The following PRKCE variants were observed in gnomAD, a reference collection of about 807,000 sequenced individuals.
PRKCE encodes protein kinase C epsilon, also known as protein kinase C epsilon type.
In PRKCE, 16 loss-of-function variants were observed where a neutral mutation model predicts 85.4. That is an observed-to-expected ratio of 0.19 (90% confidence interval 0.13 to 0.28). The LOEUF is 0.28. Ranked by LOEUF, PRKCE falls within the 10% of genes least tolerant of loss-of-function variation. PRKCE has a pLI of 1.00. For synonymous variants in PRKCE, 388 were observed against 371.5 expected, an observed-to-expected ratio of 1.04 and a Z score of -0.51; for missense variants, 573 against 975.2, an observed-to-expected ratio of 0.59 and a Z score of 5.49.
intron 1 of PRKCE, among the ~76,000 whole-genome samples, chr2:45,653,412 A>C (rs777432653): frequency 2.2e-5 from 2 of 92,426 alleles, no homozygotes; most frequent in Non-Finnish European, 4.0e-5. Context: ...TCTTGGAAGG[A>C]AGGTATTAAT....
At chr2:45,721,381 T>C (rs1032932495) in intron 1 of PRKCE, among the ~76,000 whole-genome samples, 1 of 152,122 alleles carries the variant, frequency 6.6e-6, no homozygotes, top group South Asian at 2.1e-4. Flanking sequence ...GTGCAGGGGA[T>C]GTCACCAGGC....
intron 1 of PRKCE, among the ~76,000 whole-genome samples, chr2:45,752,056 A>G (rs1410543085): frequency 3.3e-5 from 5 of 151,044 alleles, no homozygotes; most frequent in African/African-American, 1.2e-4. Context: ...TGACCTCGTG[A>G]TCCGCCCGCC....
intron 2 of PRKCE, among the ~76,000 whole-genome samples, chr2:45,915,385 T>C (rs949943032): frequency 1.4e-4 from 21 of 152,234 alleles, no homozygotes; most frequent in Middle Eastern, 3.2e-3. Flanking sequence ...TTAAGATCGA[T>C]GGCATGAACT....
chr2:45,705,861 G>C (rs1679069214), intron 1 of PRKCE, among the ~76,000 whole-genome samples: 1 of 152,188 alleles, frequency 6.6e-6, no homozygotes, highest in South Asian at 2.1e-4. Flanking sequence ...TAATGAGTTT[G>C]TCCAGTGCAG....
At chr2:46,031,544 A>G (rs1413645608) in intron 10 of PRKCE, among the ~76,000 whole-genome samples, 10 of 151,784 alleles carry the variant, frequency 6.6e-5, no homozygotes, top group Non-Finnish European at 2.9e-5. Flanking sequence ...AATCACTGTC[A>G]GTACCCAAAG....
intron 11 of PRKCE, among the ~76,000 whole-genome samples, chr2:46,112,331 G>T (rs1001708830): frequency 6.6e-6 from 1 of 151,978 alleles, no homozygotes; most frequent in Non-Finnish European, 1.5e-5. Context: ...GAGTATTGTG[G>T]ATTTTTGGTT....
intron 11 of PRKCE, among the ~76,000 whole-genome samples, chr2:46,101,859 CAAAAAAAAAAA>C (rs56811595): frequency 3.5e-5 from 4 of 114,122 alleles, no homozygotes; most frequent in African/African-American, 3.5e-5. Context: ...AACTGGCTTT[CAAAAAAAAAAA>C]AAAAAAAAAA....
intron 2 of PRKCE, among the ~76,000 whole-genome samples, chr2:45,898,159 C>G (rs1295679076): frequency 6.6e-6 from 1 of 152,162 alleles, no homozygotes; most frequent in East Asian, 1.9e-4. Flanking sequence ...CTTTTATGAC[C>G]TAGTCTCTAA....
At chr2:45,859,316 A>G (rs1358843761) in intron 2 of PRKCE, among the ~76,000 whole-genome samples, 2 of 152,104 alleles carry the variant, frequency 1.3e-5, no homozygotes, top group African/African-American at 4.8e-5. Flanking sequence ...ATCTATCTAT[A>G]GTTTCTCTAG....
In PRKCE at chr2:46,045,735, T is replaced by C. The variant is rs74714949; in HGVS notation, c.1437+35218T>C. Reference sequence around the variant, plus strand: ...CTTCACTAAAAATACAGAAATTAGCTGGGCATGGTGGCACATGCCTGTAAT... The same window carrying C: ...CTTCACTAAAAATACAGAAATTAGCCGGGCATGGTGGCACATGCCTGTAAT... On this transcript the variant is annotated intron_variant, in intron 10 of 14. Coordinates refer to ENST00000306156, the MANE Select transcript of PRKCE (RefSeq NM_005400.3). 3.1e-4 allele frequency among the ~76,000 whole-genome samples: 47 copies of C among 152,238 alleles called. No homozygotes were observed. The East Asian group carries it at 8.5e-3, about 27-fold the overall frequency.
chr2:45,798,372 C>T (rs984950823), intron 1 of PRKCE, among the ~76,000 whole-genome samples: 1 of 152,190 alleles, frequency 6.6e-6, no homozygotes, highest in African/African-American at 2.4e-5. Flanking sequence ...TTTGGAAGCC[C>T]AAGCTCTCCC....
intron 1 of PRKCE, among the ~76,000 whole-genome samples, chr2:45,787,688 A>C (rs1686713560): frequency 6.6e-6 from 1 of 152,150 alleles, no homozygotes; most frequent in Non-Finnish European, 1.5e-5. Flanking sequence ...AGATATTGAA[A>C]ACGACAAGGC....
chr2:45,665,978 G>T (rs762708811), intron 1 of PRKCE, among the ~76,000 whole-genome samples: 58 of 152,092 alleles, frequency 3.8e-4, no homozygotes, highest in Non-Finnish European at 6.5e-4. Flanking sequence ...TTTGATGAGG[G>T]ACCCCTTTCT....
At chr2:45,844,395 G>T (rs1353423418) in intron 2 of PRKCE, among the ~76,000 whole-genome samples, 1 of 152,176 alleles carries the variant, frequency 6.6e-6, no homozygotes, top group Non-Finnish European at 1.5e-5. Context: ...GCCCAGAATA[G>T]AACCTGTTGT....
intron 6 of PRKCE, among the ~76,000 whole-genome samples, chr2:45,987,850 C>G (rs1003738082): frequency 2.6e-5 from 4 of 152,222 alleles, no homozygotes; most frequent in African/African-American, 9.6e-5. Flanking sequence ...GCTTCTTGGC[C>G]CTGTAGACTC....
At chr2:46,060,241 C>A (rs1057452851) in intron 10 of PRKCE, among the ~76,000 whole-genome samples, 1 of 152,116 alleles carries the variant, frequency 6.6e-6, no homozygotes, top group Admixed American at 6.5e-5. Context: ...CATTTTCAGC[C>A]CCCCAAAGCT....
intron 10 of PRKCE, among the ~76,000 whole-genome samples, chr2:46,045,035 TA>T (rs1403918727): frequency 1.6e-4 from 24 of 152,326 alleles, no homozygotes; most frequent in African/African-American, 5.8e-4. Context: ...ACAGGTGAGT[TA>T]AAGAGCATTT....
In PRKCE at chr2:46,010,891, A is replaced by T. The variant is rs986474131; in HGVS notation, c.1437+374A>T. On this transcript the variant is annotated intron_variant, in intron 10 of 14. Transcript: ENST00000306156. ...TTCTAAGTTATTTTCATGTCATATG[A>T]AAAAGAGTAAAGGCCACCTTAATCT... The T allele has an allele frequency of 2.6e-5, 38 of 1,483,566 alleles. No homozygotes were observed. In the African/African-American group the frequency reaches 4.9e-4, roughly 19 times the overall value. The allele number at this position is 1,483,566 out of a possible 1,614,324, so 91.9% of individuals were successfully genotyped here. A position where few individuals can be genotyped will look rare whatever the true frequency, so the allele number is the denominator to read the frequency against.
chr2:45,826,504 T>G (rs989488248), intron 1 of PRKCE, among the ~76,000 whole-genome samples: 2 of 152,216 alleles, frequency 1.3e-5, no homozygotes, highest in African/African-American at 4.8e-5. Flanking sequence ...AACTTTTAGT[T>G]TTTAGAGCTG....
Sources: gnomAD v4.1 joint callset for allele counts (sites outside exome capture counted in the v4.1 genomes callset) on GRCh38, gnomAD v4.1.1 for gene constraint, MANE v1.5 for transcripts, NCBI Gene and HGNC (gene_info 2026-07-23, HGNC 2026-07-21) for gene names.